Variants in RFTN1 observed in about 807,000 individuals in gnomAD.
RFTN1 encodes raftlin.
RFTN1 carries 26 observed loss-of-function variants against 46.5 expected under a neutral mutation model. The observed-to-expected ratio is 0.56, with a 90% confidence interval of 0.41 to 0.78. The LOEUF (loss-of-function observed/expected upper bound fraction) is 0.78, where lower values mean the gene tolerates loss of function less well. RFTN1 is among the 30% of genes least tolerant of loss of function. The probability of loss-of-function intolerance (pLI) is 0.00; values close to 1 mark genes in which losing one functional copy is unlikely to be tolerated. For synonymous variants in RFTN1, 261 were observed against 284.2 expected (o/e 0.92, Z 0.82); for missense variants, 693 against 718.7 (o/e 0.96, Z 0.41).
At chr3:16,393,949 G>C (rs553041886) in intron 4 of RFTN1, among the ~76,000 whole-genome samples, 3 of 151,974 alleles carry the variant, frequency 2.0e-5, no homozygotes, top group African/African-American at 7.3e-5. Context: ...GTGAGCCACC[G>C]CACCCGGCCA....
chr3:16,369,395 C>T lies in RFTN1; in HGVS notation c.1030+681G>A, dbSNP rs118053980. Among the ~76,000 whole-genome samples, 361 of 152,374 alleles carry T rather than the reference C, an allele frequency of 2.4e-3. 9 individuals carry two copies. The East Asian group carries it at 0.031, about 13-fold the overall frequency. On this transcript the variant is annotated intron_variant, in intron 6 of 9. Transcript: ENST00000334133. ...TACGCACGTGCTGGCACGTTGGTCC[C>T]ACTCCCCAAGTTGCCTCCCAGACTT...
intron 7 of RFTN1, among the ~76,000 whole-genome samples, chr3:16,343,945 G>A (rs1397673871): frequency 6.6e-6 from 1 of 152,140 alleles, no homozygotes; most frequent in Non-Finnish European, 1.5e-5. Context: ...TGGAAATGAC[G>A]AGCAACTGCC....
rs1553726059 is a variant in RFTN1 at position 16,345,786 on chromosome 3, C to CTGTGTGTGTGTGTGTGTG, written c.1146+12145_1146+12146insCACACACACACACACACA. ...CATGAGCCAAAACCTTATAATAAAT[C>CTGTGTGTGTGTGTGTGTG]TCTGTGTGTGTGTGTGTGTGTGTGT... is the stretch of plus-strand genomic sequence containing the variant. On this transcript the variant is annotated intron_variant, in intron 7 of 9. Transcript: ENST00000334133. This position sits in a 1 kb window ranked among gnomAD's most constrained non-coding sequence, Gnocchi z 5.2. Among the ~76,000 whole-genome samples, 2 of 81,552 alleles carry CTGTGTGTGTGTGTGTGTG rather than the reference C, an allele frequency of 2.5e-5. No homozygotes were observed. The highest frequency in any genetic ancestry group is 8.2e-3 in the Middle Eastern group (1 of 122). 53.5% of individuals were successfully genotyped at this position (81,552 alleles called of 152,430 possible).
At chr3:16,436,522 A>G (rs1559346694) in intron 2 of RFTN1, among the ~76,000 whole-genome samples, 1 of 152,106 alleles carries the variant, frequency 6.6e-6, no homozygotes, top group Non-Finnish European at 1.5e-5. Context: ...ATGGCTTCTG[A>G]GTTTTGTGTC....
At position 16,342,236 on chromosome 3, in the gene RFTN1, C is replaced by T. The variant is rs1417195840; in HGVS notation, c.1147-15360G>A. On this transcript the variant is annotated intron_variant, in intron 7 of 9. Coordinates refer to ENST00000334133, the MANE Select transcript of RFTN1 (RefSeq NM_015150.2). The surrounding 1 kb of genome is among the most constrained non-coding windows in gnomAD (Gnocchi z 4.0). Reference sequence around the variant, plus strand: ...CCACCCCGAGGCAACCACGAGTCCACTTTTTGTCTCTATGCACTTGCCTCA... The same window carrying T: ...CCACCCCGAGGCAACCACGAGTCCATTTTTTGTCTCTATGCACTTGCCTCA... Among the ~76,000 whole-genome samples the T allele has an allele frequency of 6.6e-6, 1 of 151,980 alleles. No homozygotes were observed. Among genetic ancestry groups the T allele is most frequent in the African/African-American group, 2.4e-5 (1 of 41,378 alleles).
chr3:16,420,598 T>C (rs546608970), intron 3 of RFTN1, among the ~76,000 whole-genome samples: 2 of 152,280 alleles, frequency 1.3e-5, no homozygotes, highest in South Asian at 2.1e-4. Flanking sequence ...ATCCCACCTA[T>C]ACCCACTAAC....
In RFTN1 at chr3:16,378,162, G is replaced by GC. The variant is rs1236698013; in HGVS notation, c.442-61_442-60insG. The GC allele has an allele frequency of 6.0e-4, 876 of 1,455,510 alleles. 10 individuals are homozygous for GC. In the South Asian group the frequency reaches 9.8e-3, roughly 16 times the overall value. 90.2% of individuals were successfully genotyped at this position (1,455,510 alleles called of 1,614,324 possible). A position where few individuals can be genotyped will look rare whatever the true frequency, so the allele number is the denominator to read the frequency against. On this transcript the variant is annotated intron_variant, in intron 4 of 9. Coordinates refer to ENST00000334133, the MANE Select transcript of RFTN1 (RefSeq NM_015150.2). ...ATGAAATGGTCTATCAAAGGGACAC[G>GC]TGCAGCGTGCAAAGCGCCTCCCCGA...
chr3:16,391,869 G>GTTTTTTTTTTTTTTTTTTTTTT (rs576052890), intron 4 of RFTN1, among the ~76,000 whole-genome samples: 1 of 57,724 alleles, frequency 1.7e-5, no homozygotes, highest in African/African-American at 3.6e-5. Context: ...TTTTTTTTTT[G>GTTTTTTTTTTTTTTTTTTTTTT]TTTTTTTTTT....
At chr3:16,408,222 C>T (rs1252052343) in intron 4 of RFTN1, among the ~76,000 whole-genome samples, 2 of 152,032 alleles carry the variant, frequency 1.3e-5, no homozygotes, top group Non-Finnish European at 2.9e-5. Flanking sequence ...CGAGCACAGC[C>T]GCATCCCCAA....
In RFTN1 at chr3:16,448,258, A is replaced by G. The variant is rs980119556; in HGVS notation, c.146-14221T>C. ...GTTTTTATTTTTTAATGTGGTTACT[A>G]GAAAATTTTTCAATGGCATTCACAA... On this transcript the variant is annotated intron_variant, in intron 2 of 9. Coordinates refer to ENST00000334133, the MANE Select transcript of RFTN1 (RefSeq NM_015150.2). This position sits in a 1 kb window ranked among gnomAD's most constrained non-coding sequence, Gnocchi z 4.1. Among the ~76,000 whole-genome samples the G allele has an allele frequency of 2.6e-5, 4 of 152,212 alleles. No homozygotes were observed. The highest frequency in any genetic ancestry group is 9.6e-5 in the African/African-American group (4 of 41,464).
rs1257267615 is a variant in RFTN1, at chr3:16,418,454, TG to T, written c.333-8972del. On this transcript the variant is annotated intron_variant, in intron 3 of 9. Transcript: ENST00000334133. This position sits in a 1 kb window ranked among gnomAD's most constrained non-coding sequence, Gnocchi z 5.0. ...AGGCAGTTATGAAAAGGAGAGAGAA[TG>T]TGCAGTTCATCAGTAGGGTTATTTT... Among the ~76,000 whole-genome samples, 1 of 152,112 alleles carries T rather than the reference TG, an allele frequency of 6.6e-6. No individual in the cohort carries two copies. Among genetic ancestry groups the T allele is most frequent in the Non-Finnish European group, 1.5e-5 (1 of 68,018 alleles).
chr3:16,494,658 A>T (rs1278943982), intron 1 of RFTN1, among the ~76,000 whole-genome samples: 1 of 152,240 alleles, frequency 6.6e-6, no homozygotes, highest in Admixed American at 6.5e-5. Context: ...CATTAAGGTG[A>T]GCTGAGCTTC....
rs909023791 is a variant in RFTN1, at chr3:16,413,093, T to C, written c.333-3610A>G. Among the ~76,000 whole-genome samples, 13 of 152,216 alleles carry C rather than the reference T, an allele frequency of 8.5e-5. No homozygotes were observed. The highest frequency in any genetic ancestry group is 2.9e-4 in the African/African-American group (12 of 41,450). On this transcript the variant is annotated intron_variant, in intron 3 of 9. Coordinates refer to ENST00000334133, the MANE Select transcript of RFTN1 (RefSeq NM_015150.2). This position sits in a 1 kb window ranked among gnomAD's most constrained non-coding sequence, Gnocchi z 4.7. ...ATGTGTTATCATTTATTACAGAGCA[T>C]AGAAAACTAATACCAAAAAAAGAAA...
intron 9 of RFTN1, among the ~76,000 whole-genome samples, chr3:16,319,466 C>T (rs1275175822): frequency 2.6e-5 from 4 of 152,166 alleles, no homozygotes; most frequent in African/African-American, 7.2e-5. Flanking sequence ...TCCAGGGCTG[C>T]GGTGCACACC....
In RFTN1 at chr3:16,513,661, G is replaced by C. The variant is rs1575397732; in HGVS notation, c.-228C>G. 1 of 150,720 alleles carries C rather than the reference G, an allele frequency of 6.6e-6. No individual in the cohort carries two copies. The highest frequency in any genetic ancestry group is 1.5e-5 in the Non-Finnish European group (1 of 67,290). The allele number at this position is 150,720 out of a possible 1,614,324, so 9.3% of individuals were successfully genotyped here. A position where few individuals can be genotyped will look rare whatever the true frequency, so the allele number is the denominator to read the frequency against. ...CGGAGCCCGCGGCCGCCGCGCTCTC[G>C]CTCGCTGCGCCCAGCGCCCGGCGCG... On this transcript the variant is annotated 5_prime_UTR_variant, in exon 1 of 10. Transcript: ENST00000334133. The surrounding 1 kb of genome is among the most constrained non-coding windows in gnomAD (Gnocchi z 5.4).
At chr3:16,477,076 T>C (rs1349767265) in intron 2 of RFTN1, among the ~76,000 whole-genome samples, 1 of 152,224 alleles carries the variant, frequency 6.6e-6, no homozygotes, top group Non-Finnish European at 1.5e-5. Context: ...ATGGCAACTA[T>C]TACACTATTA....
At chr3:16,415,715 C>T (rs926445777) in intron 3 of RFTN1, among the ~76,000 whole-genome samples, 4 of 151,916 alleles carry the variant, frequency 2.6e-5, no homozygotes, top group African/African-American at 9.7e-5. Context: ...AAAGAGAACA[C>T]GTTTGTTTTC....
At chr3:16,492,082 G>A (rs1185108999) in intron 2 of RFTN1, among the ~76,000 whole-genome samples, 1 of 152,182 alleles carries the variant, frequency 6.6e-6, no homozygotes, top group Non-Finnish European at 1.5e-5. Context: ...TACACACAGG[G>A]GGAAGGCATG....
rs1015501738 is a variant in RFTN1 at position 16,345,259 on chromosome 3, G to C, written c.1146+12673C>G. The C allele has an allele frequency of 2.9e-5, 3 of 103,956 alleles. No homozygotes were observed. The highest frequency in any genetic ancestry group is 1.6e-4 in the African/African-American group (3 of 19,006). The allele number at this position is 103,956 out of a possible 1,614,324, so 6.4% of individuals were successfully genotyped here. ...CACAGAAACTGTAAGATAATAAGTA[G>C]GTGGTTGTGTGTGTGTGTGTGTGTG... On this transcript the variant is annotated intron_variant, in intron 7 of 9. Coordinates refer to ENST00000334133, the MANE Select transcript of RFTN1 (RefSeq NM_015150.2). This position sits in a 1 kb window ranked among gnomAD's most constrained non-coding sequence, Gnocchi z 5.2.
Sources: gnomAD v4.1 joint callset for allele counts (sites outside exome capture counted in the v4.1 genomes callset) on GRCh38, gnomAD v4.1.1 for gene constraint, Gnocchi (gnomAD v3.1) non-coding constraint, MANE v1.5 for transcripts, NCBI Gene and HGNC (gene_info 2026-07-23, HGNC 2026-07-21) for gene names.